GRM7: variants seen among roughly 807,000 people sequenced by gnomAD.
GRM7 encodes the protein glutamate metabotropic receptor 7.
A neutral mutation model predicts 84.5 loss-of-function variants in GRM7; 35 were observed. The ratio of observed to expected loss-of-function variants is 0.41; its 90% CI spans 0.32 to 0.55. GRM7 has a LOEUF of 0.55. GRM7 is among the 20% of genes least tolerant of loss of function. The pLI, the probability that GRM7 is intolerant of heterozygous loss-of-function variation, is 0.19. For missense variants in GRM7, 1,003 were observed against 1,194.6 expected, an observed-to-expected ratio of 0.84 and a Z score of 2.36; for synonymous variants, 487 against 455.1, an observed-to-expected ratio of 1.07 and a Z score of -0.89.
intron 7 of GRM7, among the ~76,000 whole-genome samples, chr3:7,571,802 C>G (rs1042312699): frequency 6.6e-6 from 1 of 152,154 alleles, no homozygotes; most frequent in African/African-American, 2.4e-5. Context: ...ATACCCGAGA[C>G]TTGGCAATTT....
At chr3:7,370,974 C>A (rs1694107061) in intron 4 of GRM7, among the ~76,000 whole-genome samples, 1 of 152,064 alleles carries the variant, frequency 6.6e-6, no homozygotes, top group South Asian at 2.1e-4. Flanking sequence ...TTTTAGGAGC[C>A]TGATTTGTTG....
chr3:7,479,921 T>TA (rs1266847822), intron 7 of GRM7, among the ~76,000 whole-genome samples: 1 of 152,270 alleles, frequency 6.6e-6, no homozygotes, highest in Non-Finnish European at 1.5e-5. Context: ...CTCTTGTTTT[T>TA]ACCTTGCTAC....
At chr3:7,734,840 T>C (rs1266765493) in intron 9 of GRM7, among the ~76,000 whole-genome samples, 1 of 152,226 alleles carries the variant, frequency 6.6e-6, no homozygotes, top group Non-Finnish European at 1.5e-5. Flanking sequence ...AGTAGTAAAT[T>C]TAAAAAAGGA....
At chr3:7,472,403 T>C (rs1472556175) in intron 7 of GRM7, among the ~76,000 whole-genome samples, 1 of 152,230 alleles carries the variant, frequency 6.6e-6, no homozygotes, top group African/African-American at 2.4e-5. Context: ...GTAATTGAGC[T>C]AGTCTGTTTG....
intron 5 of GRM7, among the ~76,000 whole-genome samples, chr3:7,443,146 A>G (rs929620052): frequency 8.5e-5 from 13 of 152,098 alleles, no homozygotes; most frequent in Non-Finnish European, 4.4e-5. Flanking sequence ...ACAAAAGCAG[A>G]AAGAGTAGTG....
intron 1 of GRM7, among the ~76,000 whole-genome samples, chr3:7,052,952 T>G (rs1040162580): frequency 2.0e-5 from 3 of 151,434 alleles, no homozygotes; most frequent in African/African-American, 7.2e-5. Flanking sequence ...TATGTTTAAC[T>G]TCATAAGAAA....
At chr3:6,973,447 A>G (rs546221371) in intron 1 of GRM7, among the ~76,000 whole-genome samples, 14 of 152,306 alleles carry the variant, frequency 9.2e-5, no homozygotes, top group African/African-American at 2.6e-4. Flanking sequence ...AAACACACAC[A>G]TGTAAATTTG....
chr3:7,006,720 A>G (rs1695193033), intron 1 of GRM7, among the ~76,000 whole-genome samples: 1 of 152,216 alleles, frequency 6.6e-6, no homozygotes. Flanking sequence ...TCATAAAAAT[A>G]AAATATCATC....
chr3:7,382,088 A>G (rs895772441), intron 4 of GRM7, among the ~76,000 whole-genome samples: 2 of 152,176 alleles, frequency 1.3e-5, no homozygotes, highest in Non-Finnish European at 2.9e-5. Flanking sequence ...ATATTTTATG[A>G]AATTCTTTAT....
At chr3:7,356,773 A>C (rs754161094) in intron 4 of GRM7, among the ~76,000 whole-genome samples, 16 of 152,164 alleles carry the variant, frequency 1.1e-4, no homozygotes, top group Non-Finnish European at 7.4e-5. Flanking sequence ...CTTTGGCCTC[A>C]CACTAGAGGC....
intron 7 of GRM7, among the ~76,000 whole-genome samples, chr3:7,539,629 C>G (rs569160191): frequency 2.1e-5 from 3 of 145,006 alleles, no homozygotes; most frequent in Non-Finnish European, 3.0e-5. Context: ...GAGTTGAGAT[C>G]GCGCCACTGC....
intron 2 of GRM7, among the ~76,000 whole-genome samples, chr3:7,276,706 T>C (rs1699071215): frequency 6.6e-6 from 1 of 151,934 alleles, no homozygotes; most frequent in South Asian, 2.1e-4. Flanking sequence ...AAGTGAAATA[T>C]AGCCTTAGCA....
At chr3:7,025,944 C>G (rs1263305478) in intron 1 of GRM7, among the ~76,000 whole-genome samples, 1 of 152,126 alleles carries the variant, frequency 6.6e-6, no homozygotes, top group Non-Finnish European at 1.5e-5. Context: ...CTCATGACAC[C>G]TACCCTGCAA....
intron 5 of GRM7, among the ~76,000 whole-genome samples, chr3:7,448,742 C>T (rs929172650): frequency 6.6e-6 from 1 of 151,766 alleles, no homozygotes; most frequent in Non-Finnish European, 1.5e-5. Context: ...GTTAACATAC[C>T]TGGAGACTCT....
chr3:7,200,964 A>ATTTTTTTT (rs71625339), intron 2 of GRM7, among the ~76,000 whole-genome samples: 5 of 98,156 alleles, frequency 5.1e-5, no homozygotes, highest in African/African-American at 1.7e-4. Context: ...ACATTTCAGA[A>ATTTTTTTT]TTTTTTTTTT....
At chr3:7,344,224 T>G (rs1466200722) in intron 4 of GRM7, among the ~76,000 whole-genome samples, 3 of 151,396 alleles carry the variant, frequency 2.0e-5, no homozygotes, top group Non-Finnish European at 4.4e-5. Flanking sequence ...AGTTATTTTT[T>G]CTGATGTTCT....
At chr3:7,265,196 T>A (rs2124966881) in intron 2 of GRM7, among the ~76,000 whole-genome samples, 1 of 152,328 alleles carries the variant, frequency 6.6e-6, no homozygotes, top group East Asian at 1.9e-4. Context: ...CCATCTAATG[T>A]TCTAGCTATC....
At chr3:7,168,932 C>A (rs1694894869) in intron 2 of GRM7, among the ~76,000 whole-genome samples, 1 of 152,142 alleles carries the variant, frequency 6.6e-6, no homozygotes, top group South Asian at 2.1e-4. Context: ...AGAATGAGAA[C>A]AGACCAGAAA....
At chr3:6,951,024 C>T (rs1188304311) in intron 1 of GRM7, among the ~76,000 whole-genome samples, 1 of 152,190 alleles carries the variant, frequency 6.6e-6, no homozygotes, top group Non-Finnish European at 1.5e-5. Context: ...GATGCCTCTC[C>T]CTGCTTCGGC....
Sources: allele counts gnomAD v4.1 joint callset (sites outside exome capture counted in the v4.1 genomes callset), GRCh38; gene constraint gnomAD v4.1.1; transcripts MANE v1.5; gene names NCBI Gene and HGNC (gene_info 2026-07-23, HGNC 2026-07-21).